The following PDE1A variants were observed in gnomAD, a reference collection of about 807,000 sequenced individuals.
PDE1A encodes the protein dual specificity calcium/calmodulin-dependent 3',5'-cyclic nucleotide phosphodiesterase 1A.
A neutral mutation model predicts 61.7 loss-of-function variants in PDE1A; 35 were observed. The ratio of observed to expected loss-of-function variants is 0.57; its 90% CI spans 0.43 to 0.75. The LOEUF (loss-of-function observed/expected upper bound fraction) is 0.75, where lower values mean the gene tolerates loss of function less well. Ranked by LOEUF, PDE1A falls within the 30% of genes least tolerant of loss-of-function variation. PDE1A has a pLI of 0.00. For synonymous variants in PDE1A, 232 were observed against 213.2 expected (o/e 1.09, Z -0.77); for missense variants, 597 against 630.6 (o/e 0.95, Z 0.57).
At chr2:182,186,480 T>G (rs540061830) in exon 12 of PDE1A, 3 of 1,612,360 alleles carry the variant, frequency 1.9e-6, no homozygotes, top group Non-Finnish European at 1.7e-6. Flanking sequence ...GCTTGCCACA[T>G]AGGAAGAAGT....
At chr2:182,380,099 A>T (rs1700637999) in intron 1 of PDE1A, among the ~76,000 whole-genome samples, 1 of 145,274 alleles carries the variant, frequency 6.9e-6, no homozygotes, top group Non-Finnish European at 1.5e-5. Flanking sequence ...TAGAAGACCC[A>T]GCTCCTCTTT....
chr2:182,229,024 A>G (rs547705354), intron 6 of PDE1A, among the ~76,000 whole-genome samples: 1 of 152,290 alleles, frequency 6.6e-6, no homozygotes, highest in Admixed American at 6.5e-5. Flanking sequence ...ATTTGGTCCC[A>G]TAACAGTCTT....
chr2:182,286,645 C>A (rs114415637), intron 1 of PDE1A, among the ~76,000 whole-genome samples: 1 of 152,006 alleles, frequency 6.6e-6, no homozygotes, highest in Non-Finnish European at 1.5e-5. Context: ...CACATTAAGC[C>A]GGTGGAGAGG....
chr2:182,211,109 T>A (rs1402975269), intron 7 of PDE1A, among the ~76,000 whole-genome samples: 2 of 152,198 alleles, frequency 1.3e-5, no homozygotes, highest in African/African-American at 4.8e-5. Flanking sequence ...AGAACACTCC[T>A]GACCTCAATA....
At chr2:182,435,894 C>G (rs1458342067) in intron 2 of PDE1A, among the ~76,000 whole-genome samples, 1 of 151,956 alleles carries the variant, frequency 6.6e-6, no homozygotes, top group South Asian at 2.1e-4. Flanking sequence ...AGAGCTACAA[C>G]CAAGAAATGA....
At chr2:182,256,038 C>CTTTTTTTTTTTTTTTTTTTTGTTTT (rs755211798) in intron 2 of PDE1A, among the ~76,000 whole-genome samples, 4 of 92,336 alleles carry the variant, frequency 4.3e-5, no homozygotes, top group Non-Finnish European at 8.5e-5. Context: ...AGGATGACTT[C>CTTTTTTTTTTTTTTTTTTTTGTTTT]TTTTTTTTTT....
intron 13 of PDE1A, among the ~76,000 whole-genome samples, chr2:182,174,255 C>G (rs2125337292): frequency 6.6e-6 from 1 of 152,202 alleles, no homozygotes; most frequent in South Asian, 2.1e-4. Context: ...TCCACAGAAT[C>G]AGAGCTTGGG....
chr2:182,505,207 A>G (rs1215447493), intron 2 of PDE1A, among the ~76,000 whole-genome samples: 1 of 152,242 alleles, frequency 6.6e-6, no homozygotes, highest in Non-Finnish European at 1.5e-5. Context: ...CTAATTATTC[A>G]GCTACATCAT....
intron 1 of PDE1A, among the ~76,000 whole-genome samples, chr2:182,390,317 T>C (rs1233646304): frequency 1.3e-5 from 2 of 152,204 alleles, no homozygotes; most frequent in African/African-American, 2.4e-5. Flanking sequence ...TCTAACAGTA[T>C]GGAGAACACT....
the PDE1A span, among the ~76,000 whole-genome samples, chr2:182,583,386 G>A: frequency 3.3e-5 from 5 of 152,080 alleles, no homozygotes. Flanking sequence ...GAAACATCTG[G>A]CTTTTCTTTC....
At chr2:182,555,965 C>CAAAAAAAAAA in the PDE1A span, among the ~76,000 whole-genome samples, 29 of 48,436 alleles carry the variant, frequency 6.0e-4, 2 homozygotes, top group African/African-American at 2.8e-3. Flanking sequence ...AACTCCATCT[C>CAAAAAAAAAA]AAAAAAAAAA....
intron 2 of PDE1A, among the ~76,000 whole-genome samples, chr2:182,506,072 T>C (rs1446018435): frequency 6.6e-6 from 1 of 152,190 alleles, no homozygotes; most frequent in Non-Finnish European, 1.5e-5. Flanking sequence ...CTAAGTGCAA[T>C]GCATAACTAA....
At chr2:182,431,179 TCAC>T (rs1703933231), upstream of PDE1A, among the ~76,000 whole-genome samples, 3 of 150,428 alleles carry the variant, frequency 2.0e-5, no homozygotes, top group South Asian at 6.3e-4. Context: ...TCTCTACCAT[TCAC>T]CAAAATTAAA....
chr2:182,544,251 G>C, the PDE1A span, among the ~76,000 whole-genome samples: 1 of 152,122 alleles, frequency 6.6e-6, no homozygotes, highest in Non-Finnish European at 1.5e-5. Context: ...AATTAAAGCA[G>C]GGCAACTTGC....
intron 2 of PDE1A, among the ~76,000 whole-genome samples, chr2:182,487,620 T>G (rs1208168111): frequency 2.0e-5 from 3 of 152,090 alleles, no homozygotes; most frequent in Non-Finnish European, 2.9e-5. Flanking sequence ...CACTGAGAAC[T>G]GCATATTGCC....
intron 1 of PDE1A, among the ~76,000 whole-genome samples, chr2:182,425,694 T>C (rs1350379416): frequency 6.6e-6 from 1 of 152,180 alleles, no homozygotes; most frequent in Admixed American, 6.6e-5. Context: ...TTTATCATCC[T>C]GTATTTAATT....
chr2:182,173,105 A>C (rs116443165), intron 13 of PDE1A, among the ~76,000 whole-genome samples: 2,233 of 152,106 alleles, frequency 0.015, 31 homozygotes, highest in South Asian at 0.057. Flanking sequence ...TTAGATCTGT[A>C]CTTGGCTTGT....
At chr2:182,178,737 A>C (rs906012806) in intron 13 of PDE1A, among the ~76,000 whole-genome samples, 5 of 152,100 alleles carry the variant, frequency 3.3e-5, no homozygotes, top group Admixed American at 6.6e-5. Flanking sequence ...AGTCAACCCC[A>C]GTGACTCTGA....
chr2:182,352,826 A>G (rs1698965724), intron 1 of PDE1A, among the ~76,000 whole-genome samples: 1 of 152,236 alleles, frequency 6.6e-6, no homozygotes, highest in African/African-American at 2.4e-5. Flanking sequence ...AGCAGTGAAT[A>G]CATTTCATCT....
Sources: allele counts gnomAD v4.1 joint callset (sites outside exome capture counted in the v4.1 genomes callset), GRCh38; gene constraint gnomAD v4.1.1; transcripts MANE v1.5; gene names NCBI Gene and HGNC (gene_info 2026-07-23, HGNC 2026-07-21).